DLC1: variants seen among roughly 807,000 people sequenced by gnomAD.
DLC1 encodes DLC1 Rho GTPase activating protein, also known as rho GTPase-activating protein 7.
A neutral mutation model predicts 140.3 loss-of-function variants in DLC1; 54 were observed. The ratio of observed to expected loss-of-function variants is 0.38; its 90% CI spans 0.31 to 0.48. The LOEUF (loss-of-function observed/expected upper bound fraction) is 0.48, where lower values mean the gene tolerates loss of function less well. Ranked by LOEUF, DLC1 falls within the 20% of genes least tolerant of loss-of-function variation. DLC1 has a pLI of 0.96. For missense variants in DLC1, 2,536 were observed against 1,907.0 expected (o/e 1.33, Z -6.14); for synonymous variants, 986 against 728.1 (o/e 1.35, Z -5.70).
chr8:13,230,280 C>T (rs576693742), intron 5 of DLC1, among the ~76,000 whole-genome samples: 64 of 152,274 alleles, frequency 4.2e-4, no homozygotes, highest in African/African-American at 1.5e-3. Context: ...CAACAGAGAG[C>T]AAGTAAAAAG....
At chr8:13,143,842 G>GAGAGAGAGAGAGAGAGAC (rs1186637665) in intron 5 of DLC1, among the ~76,000 whole-genome samples, 4 of 146,154 alleles carry the variant, frequency 2.7e-5, no homozygotes, top group African/African-American at 5.3e-5. Flanking sequence ...GAGAGAGAGA[G>GAGAGAGAGAGAGAGAGAC]AGAGAGAGAG....
intron 3 of DLC1, among the ~76,000 whole-genome samples, chr8:13,396,058 C>CTTTTTTTTTT (rs1458503033): frequency 7.5e-6 from 1 of 133,362 alleles, no homozygotes. Flanking sequence ...AATTTCTTTT[C>CTTTTTTTTTT]TTTCTTTTTT....
At chr8:13,549,346 A>T (rs1803769267) in intron 1 of DLC1, among the ~76,000 whole-genome samples, 2 of 152,174 alleles carry the variant, frequency 1.3e-5, no homozygotes, top group Non-Finnish European at 2.9e-5. Context: ...GGAGCTCATT[A>T]TCCCAAGGAA....
rs1818068677 is a variant in DLC1 at position 13,091,446 on chromosome 8, A to G, written c.3741-14T>C. ...CTTTGCATTACCCTAGGTAGAAGAAATACAGGAGGGGAACAGTTCAAATAT... is the reference window on the plus strand; with the variant it reads ...CTTTGCATTACCCTAGGTAGAAGAAGTACAGGAGGGGAACAGTTCAAATAT... On this transcript the variant is annotated splice_polypyrimidine_tract_variant and intron_variant, in intron 13 of 17. Coordinates refer to ENST00000276297, the MANE Select transcript of DLC1 (RefSeq NM_182643.3). 10 of 1,603,808 alleles carry G rather than the reference A, an allele frequency of 6.2e-6. No individual in the cohort carries two copies. The highest frequency in any genetic ancestry group is 8.5e-6 in the Non-Finnish European group (10 of 1,171,336).
intron 5 of DLC1, chr8:13,276,443 T>C (rs1419467815): frequency 1.1e-5 from 15 of 1,421,032 alleles, no homozygotes; most frequent in Non-Finnish European, 1.3e-5. Context: ...GCCGCGACCA[T>C]GCCTCGGTAC....
intron 2 of DLC1, among the ~76,000 whole-genome samples, chr8:13,491,593 T>G (rs1361324911): frequency 3.9e-5 from 6 of 152,336 alleles, no homozygotes; most frequent in Non-Finnish European, 8.8e-5. Context: ...CGGGATAACA[T>G]TTACTACTCA....
At chr8:13,127,666 A>T (rs538905673) in intron 5 of DLC1, among the ~76,000 whole-genome samples, 1 of 152,196 alleles carries the variant, frequency 6.6e-6, no homozygotes, top group Non-Finnish European at 1.5e-5. Flanking sequence ...TCACTTCTGA[A>T]GTCTCTTCTT....
intron 2 of DLC1, among the ~76,000 whole-genome samples, chr8:13,407,118 T>C (rs1837603673): frequency 6.6e-6 from 1 of 152,218 alleles, no homozygotes; most frequent in African/African-American, 2.4e-5. Context: ...CAATTCAATT[T>C]GATTTACTGT....
intron 5 of DLC1, among the ~76,000 whole-genome samples, chr8:13,192,998 G>A (rs2117033580): frequency 6.6e-6 from 1 of 152,302 alleles, no homozygotes; most frequent in South Asian, 2.1e-4. Context: ...CCCTCTTGAT[G>A]AATCTTCCTC....
At chr8:13,282,977 C>G (rs1831415493) in intron 5 of DLC1, among the ~76,000 whole-genome samples, 1 of 152,128 alleles carries the variant, frequency 6.6e-6, no homozygotes. Flanking sequence ...GACATTGTTA[C>G]TTTTGGATTA....
At chr8:13,315,573 C>A (rs1036478654) in intron 4 of DLC1, among the ~76,000 whole-genome samples, 3 of 152,170 alleles carry the variant, frequency 2.0e-5, no homozygotes, top group Non-Finnish European at 4.4e-5. Context: ...CAATTGCCTG[C>A]GTTTGATAAC....
At chr8:13,279,478 A>T (rs934779135) in intron 5 of DLC1, among the ~76,000 whole-genome samples, 3 of 152,182 alleles carry the variant, frequency 2.0e-5, no homozygotes, top group African/African-American at 7.2e-5. Context: ...TTCAAAGGAA[A>T]CCTCATGGCA....
chr8:13,099,575 T>C lies in DLC1; in HGVS notation c.2762A>G (p.Asn921Ser). The C allele has an allele frequency of 2.5e-6, 4 of 1,614,170 alleles. No homozygotes were observed. Among genetic ancestry groups the C allele is most frequent in the Non-Finnish European group, 3.4e-6 (4 of 1,180,018 alleles). ...YHVKGMQRIV[N>S]QWSEKFSDEG... ...ATCAGAAAACTTCTCCGACCACTGATTGACTATCCGCTGCATCCCCTTCAC... is the reference window on the plus strand; with the variant it reads ...ATCAGAAAACTTCTCCGACCACTGACTGACTATCCGCTGCATCCCCTTCAC... Residue 921 changes from asparagine (N) to serine (S), a missense_variant, in exon 9 of 18, where the codon AAT (asparagine) becomes AGT (serine). Coordinates refer to ENST00000276297, the MANE Select transcript of DLC1 (RefSeq NM_182643.3).
intron 1 of DLC1, among the ~76,000 whole-genome samples, chr8:13,554,429 A>G (rs1351679519): frequency 6.6e-6 from 1 of 152,110 alleles, no homozygotes; most frequent in Non-Finnish European, 1.5e-5. Context: ...TGTCAGACTT[A>G]TGTACTGAAA....
intron 3 of DLC1, among the ~76,000 whole-genome samples, chr8:13,395,264 G>A (rs1836982929): frequency 1.3e-5 from 2 of 151,966 alleles, no homozygotes; most frequent in Admixed American, 6.6e-5. Flanking sequence ...TGGGATTACA[G>A]GTGCACACCA....
At chr8:13,143,314 T>C (rs1052039996) in intron 5 of DLC1, among the ~76,000 whole-genome samples, 43 of 152,358 alleles carry the variant, frequency 2.8e-4, no homozygotes, top group African/African-American at 9.9e-4. Context: ...CAGAAAATCT[T>C]TGGCAACCCT....
At chr8:13,442,640 C>A (rs1209932740) in intron 2 of DLC1, among the ~76,000 whole-genome samples, 1 of 152,178 alleles carries the variant, frequency 6.6e-6, no homozygotes, top group Non-Finnish European at 1.5e-5. Context: ...AAATGCAAAT[C>A]AAAACCACAA....
intron 5 of DLC1, among the ~76,000 whole-genome samples, chr8:13,156,008 T>G (rs1824223681): frequency 6.6e-6 from 1 of 152,230 alleles, no homozygotes; most frequent in African/African-American, 2.4e-5. Flanking sequence ...TTATTCTAGA[T>G]ATATCCCTCA....
At chr8:13,137,289 A>G (rs1371086236) in intron 5 of DLC1, among the ~76,000 whole-genome samples, 1 of 152,202 alleles carries the variant, frequency 6.6e-6, no homozygotes, top group Non-Finnish European at 1.5e-5. Context: ...TTAATGTTAG[A>G]TAACGTTAGA....
Sources: gnomAD v4.1 joint callset for allele counts (sites outside exome capture counted in the v4.1 genomes callset) on GRCh38, gnomAD v4.1.1 for gene constraint, MANE v1.5 for transcripts, NCBI Gene and HGNC (gene_info 2026-07-23, HGNC 2026-07-21) for gene names.